Variants in NRG1 observed in about 807,000 individuals in gnomAD.
The protein encoded by NRG1 is pro-neuregulin-1, membrane-bound isoform.
In NRG1, 18 loss-of-function variants were observed where a neutral mutation model predicts 63.8. The observed-to-expected ratio is 0.28, with a 90% CI of 0.19 to 0.42. The LOEUF (loss-of-function observed/expected upper bound fraction) is 0.42. NRG1 is among the 10% of genes least tolerant of loss of function. The probability of loss-of-function intolerance (pLI) is 1.00; values close to 1 mark genes in which losing one functional copy is unlikely to be tolerated. For synonymous variants in NRG1, 302 were observed against 301.3 expected (o/e 1.00, Z -0.02); for missense variants, 762 against 814.7 (o/e 0.94, Z 0.79).
At chr8:32,465,271 A>G (rs907477676) in intron 1 of NRG1, among the ~76,000 whole-genome samples, 1 of 152,340 alleles carries the variant, frequency 6.6e-6, no homozygotes, top group Middle Eastern at 3.4e-3. Flanking sequence ...TCACCTGCCC[A>G]TGAATAGTAT....
intron 1 of NRG1, among the ~76,000 whole-genome samples, chr8:31,980,880 T>C (rs1201260593): frequency 2.0e-5 from 3 of 152,068 alleles, no homozygotes; most frequent in Non-Finnish European, 4.4e-5. Context: ...TGATATCTTC[T>C]TGAAATAAAA....
chr8:31,681,318 A>G (rs879669628), intron 1 of NRG1, among the ~76,000 whole-genome samples: 8 of 152,258 alleles, frequency 5.3e-5, no homozygotes, highest in Admixed American at 5.2e-4. Flanking sequence ...TACCCTATTT[A>G]TCCTTGTTAA....
At chr8:31,841,943 T>A (rs1295940092) in intron 1 of NRG1, among the ~76,000 whole-genome samples, 1 of 152,222 alleles carries the variant, frequency 6.6e-6, no homozygotes, top group African/African-American at 2.4e-5. Flanking sequence ...GAAGCTTCTC[T>A]GGGAGCCCCA....
At chr8:31,858,208 A>T (rs567840030) in intron 1 of NRG1, among the ~76,000 whole-genome samples, 3 of 152,086 alleles carry the variant, frequency 2.0e-5, no homozygotes, top group Non-Finnish European at 2.9e-5. Flanking sequence ...CTGAGGCAGG[A>T]GAATGGCGTG....
intron 1 of NRG1, among the ~76,000 whole-genome samples, chr8:31,929,120 G>A (rs369022604): frequency 4.0e-4 from 61 of 152,234 alleles, no homozygotes; most frequent in African/African-American, 1.4e-3. Flanking sequence ...AGAGAACTGA[G>A]GTCCTTGGAA....
chr8:32,197,068 T>G (rs939546230), intron 1 of NRG1, among the ~76,000 whole-genome samples: 1 of 147,234 alleles, frequency 6.8e-6, no homozygotes, highest in Non-Finnish European at 1.5e-5. Flanking sequence ...CAAACGATTC[T>G]CCTGCCTCAG....
At chr8:31,959,778 GATTATTTATTTATTT>G (rs1335766798) in intron 1 of NRG1, among the ~76,000 whole-genome samples, 1,256 of 116,046 alleles carry the variant, frequency 0.011, 16 homozygotes, top group African/African-American at 0.039. Flanking sequence ...AGCAACCACC[GATTATTTATTTATTT>G]ATTATTTATT....
At chr8:31,732,631 C>T (rs994132056) in intron 1 of NRG1, among the ~76,000 whole-genome samples, 1 of 152,128 alleles carries the variant, frequency 6.6e-6, no homozygotes, top group Admixed American at 6.5e-5. Context: ...TGTCTCCTGC[C>T]TAGAATCCCA....
chr8:32,069,377 A>G (rs1825397897), intron 1 of NRG1, among the ~76,000 whole-genome samples: 1 of 152,202 alleles, frequency 6.6e-6, no homozygotes, highest in Admixed American at 6.5e-5. Context: ...ATGAAGTATA[A>G]TAGTACAGAA....
At chr8:31,997,876 G>T (rs550506157) in intron 1 of NRG1, among the ~76,000 whole-genome samples, 2 of 151,850 alleles carry the variant, frequency 1.3e-5, no homozygotes, top group African/African-American at 2.4e-5. Flanking sequence ...TCTCCATCTC[G>T]CAAATAAGGA....
intron 5 of NRG1, among the ~76,000 whole-genome samples, chr8:32,682,076 A>G (rs1808799043): frequency 6.6e-6 from 1 of 152,158 alleles, no homozygotes; most frequent in Non-Finnish European, 1.5e-5. Flanking sequence ...CTCATTTTCT[A>G]TTTTCAATAA....
intron 1 of NRG1, among the ~76,000 whole-genome samples, chr8:32,262,412 A>C (rs527767229): frequency 1.3e-5 from 2 of 152,310 alleles, no homozygotes; most frequent in East Asian, 3.9e-4. Context: ...TGTGAAAGCA[A>C]GAATCAGAAT....
chr8:32,670,270 A>T (rs770176282), intron 5 of NRG1, among the ~76,000 whole-genome samples: 2 of 152,138 alleles, frequency 1.3e-5, no homozygotes, highest in African/African-American at 4.8e-5. Context: ...GGTTTTTAGG[A>T]CAAATCGCAT....
At chr8:31,655,289 G>A (rs1205676454) in intron 1 of NRG1, among the ~76,000 whole-genome samples, 1 of 152,178 alleles carries the variant, frequency 6.6e-6, no homozygotes, top group Non-Finnish European at 1.5e-5. Flanking sequence ...ATAGGCAAAA[G>A]GGTTACACAA....
At chr8:31,924,266 G>A (rs1444678648) in intron 1 of NRG1, among the ~76,000 whole-genome samples, 1 of 151,744 alleles carries the variant, frequency 6.6e-6, no homozygotes, top group Non-Finnish European at 1.5e-5. Flanking sequence ...GAGGCAGGTC[G>A]CTTGAACCCA....
intron 1 of NRG1, among the ~76,000 whole-genome samples, chr8:32,138,707 C>T (rs187206974): frequency 1.6e-4 from 25 of 152,080 alleles, no homozygotes; most frequent in Non-Finnish European, 3.2e-4. Flanking sequence ...AGTTTATAGG[C>T]GCCCACCACC....
In NRG1 at chr8:32,559,260, A is replaced by T. The variant is rs536899928; in HGVS notation, c.100+10434A>T. Among the ~76,000 whole-genome samples, 48 of 150,866 alleles carry T rather than the reference A, an allele frequency of 3.2e-4. 1 individual carries two copies. Among genetic ancestry groups the T allele is most frequent in the African/African-American group, 1.2e-3 (48 of 41,286 alleles). Reference sequence around the variant, plus strand: ...CTCTAAAATGTAAAAAAAAAAAAAAAAAATCACTACTCAGACCTTATAAGA... The same window carrying T: ...CTCTAAAATGTAAAAAAAAAAAAAATAAATCACTACTCAGACCTTATAAGA... On this transcript the variant is annotated intron_variant, in intron 1 of 11. Transcript: ENST00000356819.
chr8:31,976,868 A>G (rs1224676422), intron 1 of NRG1, among the ~76,000 whole-genome samples: 1 of 152,192 alleles, frequency 6.6e-6, no homozygotes, highest in Non-Finnish European at 1.5e-5. Context: ...AATATATATC[A>G]ATGAAAACGT....
rs11304829 is a variant in NRG1 at position 31,713,109 on chromosome 8, ATTTTTTT to A, written c.37+73697_37+73703del. ...CCTACTCACTGCCATACTCCTTCTA[ATTTTTTT>A]TTTTTTTTTTTTTTTTTTGAGACGG... On this transcript the variant is annotated intron_variant, in intron 1 of 10. Coordinates refer to the NRG1 transcript ENST00000519301. Among the ~76,000 whole-genome samples the A allele has an allele frequency of 5.7e-3, 493 of 86,070 alleles. 2 individuals carry two copies. Among genetic ancestry groups the A allele is most frequent in the African/African-American group, 0.019 (470 of 25,214 alleles). The allele number at this position is 86,070 out of a possible 152,430, so 56.5% of individuals were successfully genotyped here. A position where few individuals can be genotyped will look rare whatever the true frequency, so the allele number is the denominator to read the frequency against.
Sources: allele counts gnomAD v4.1 joint callset (sites outside exome capture counted in the v4.1 genomes callset), GRCh38; gene constraint gnomAD v4.1.1; transcripts MANE v1.5; gene names NCBI Gene and HGNC (gene_info 2026-07-23, HGNC 2026-07-21).